TRIM66: variants seen among roughly 807,000 people sequenced by gnomAD.
TRIM66 encodes the protein tripartite motif containing 66.
Under a neutral mutation model 148.2 loss-of-function variants are expected in TRIM66, and 99 were observed. The observed-to-expected ratio is 0.67, with a 90% confidence interval of 0.57 to 0.79. TRIM66 has a LOEUF of 0.79. TRIM66 is among the 30% of genes least tolerant of loss of function. The pLI is 0.00. For missense variants in TRIM66, 1,666 were observed against 1,697.9 expected, an observed-to-expected ratio of 0.98 and a Z score of 0.33; for synonymous variants, 616 against 635.9, an observed-to-expected ratio of 0.97 and a Z score of 0.47.
intron 8 of TRIM66, among the ~76,000 whole-genome samples, chr11:8,648,774 G>A (rs1313080189): frequency 6.6e-6 from 1 of 152,204 alleles, no homozygotes; most frequent in Non-Finnish European, 1.5e-5. Context: ...TCAAGCCCAA[G>A]CATCCCACTA....
chr11:8,671,682 G>C, intron 6 of TRIM66, 104 bp downstream of exon 6: 1 of 640,788 alleles, frequency 1.6e-6, no homozygotes, highest in South Asian at 1.8e-5. Flanking sequence ...TGTCCCTTGG[G>C]CATTTAAATT....
intron 12 of TRIM66, among the ~76,000 whole-genome samples, chr11:8,645,143 C>T (rs556446614): frequency 2.0e-5 from 3 of 152,222 alleles, no homozygotes; most frequent in African/African-American, 7.2e-5. Context: ...ACTCCTACAT[C>T]TCCTTCTCCA....
rs755326927 is a variant in TRIM66 at position 8,643,006 on chromosome 11, C to T, written c.1222+3G>A. ...AGGCCTGGGTGGGTGGGTCCAAGCT[C>T]ACCAAGAGAAGCTAGCTGCTTGGTC... On this transcript the variant is annotated splice_donor_region_variant and intron_variant, in intron 13 of 24. Coordinates refer to ENST00000646038, the MANE Select transcript of TRIM66 (RefSeq NM_001388022.1). The T allele has an allele frequency of 7.7e-6, 12 of 1,548,702 alleles. No homozygotes were observed. The highest frequency in any genetic ancestry group is 2.0e-5 in the Admixed American group (1 of 50,706).
At chr11:8,624,641 A>AG in intron 16 of TRIM66, 72 bp downstream of exon 16, 1 of 1,476,368 alleles carries the variant, frequency 6.8e-7, no homozygotes, top group Non-Finnish European at 9.0e-7. Context: ...GGTCAGAATA[A>AG]GGGTCCCAGT....
Position 8,652,883 on chromosome 11 carries a change from G to T in TRIM66, c.341-980C>A, listed in dbSNP as rs1222150249. Among the ~76,000 whole-genome samples the T allele has an allele frequency of 2.0e-5, 3 of 152,254 alleles. No individual in the cohort carries two copies. The South Asian group carries it at 6.2e-4, about 31-fold the overall frequency. ...GCTCCAGACTTATAGTCAGACAAAT[G>T]TAAGTCCAAAATACCAGGCCTACCA... On this transcript the variant is annotated intron_variant, in intron 6 of 24. Coordinates refer to ENST00000646038, the MANE Select transcript of TRIM66 (RefSeq NM_001388022.1).
Position 8,649,803 on chromosome 11 carries a change from C to G in TRIM66, c.529G>C (p.Glu177Gln), listed in dbSNP as rs373276503. 12 of 1,551,576 alleles carry G rather than the reference C, an allele frequency of 7.7e-6. No homozygotes were observed. Among genetic ancestry groups the G allele is most frequent in the Non-Finnish European group, 1.0e-5 (12 of 1,147,012 alleles). Residue 177 changes from glutamate (E) to glutamine (Q), a missense_variant, in exon 8 of 25, where the codon GAA becomes CAA. Coordinates refer to ENST00000646038, the MANE Select transcript of TRIM66 (RefSeq NM_001388022.1). Reference sequence around the variant, plus strand: ...CCGGGGACAGGGCTGTGTCGGTGTTCCTCTGTGCAAGAGCTGCACAGCCAG... The same window carrying G: ...CCGGGGACAGGGCTGTGTCGGTGTTGCTCTGTGCAAGAGCTGCACAGCCAG... ...NRWLCSSCTEEHRHSPVPGGP... is the reference protein window; with the variant it reads ...NRWLCSSCTEQHRHSPVPGGP...
In TRIM66 at chr11:8,649,750, C is replaced by T; in HGVS notation, c.582G>A (p.Lys194=). The T allele has an allele frequency of 6.5e-7, 1 of 1,547,436 alleles. No individual in the cohort carries two copies. Among genetic ancestry groups the T allele is most frequent in the Middle Eastern group, 1.8e-4 (1 of 5,704 alleles). ...AGGTGGGATTGGTACCTGGAGATCCCTTCTGGGCCCGAGGAAAGAATGGGC... is the reference window on the plus strand; with the variant it reads ...AGGTGGGATTGGTACCTGGAGATCCTTTCTGGGCCCGAGGAAAGAATGGGC... The part of the protein sequence containing the change: ...PGGPFFPRAQ[K]GSPGVNGGPG... Residue 194 remains lysine (K), a synonymous_variant, in exon 8 of 25, where the codon AAG becomes AAA. Coordinates refer to ENST00000646038, the MANE Select transcript of TRIM66 (RefSeq NM_001388022.1).
chr11:8,667,248 C>T (rs2038660039), intron 6 of TRIM66, among the ~76,000 whole-genome samples: 1 of 152,098 alleles, frequency 6.6e-6, no homozygotes, highest in South Asian at 2.1e-4. Context: ...TATAAAACTC[C>T]TAGAAGAAAA....
At chr11:8,635,959 T>C (rs1471852383) in intron 15 of TRIM66, among the ~76,000 whole-genome samples, 1 of 152,192 alleles carries the variant, frequency 6.6e-6, no homozygotes, top group Non-Finnish European at 1.5e-5. Flanking sequence ...GCACTGGCAA[T>C]GAAACCACCT....
At chr11:8,637,121 G>C (rs2035947375) in intron 15 of TRIM66, among the ~76,000 whole-genome samples, 1 of 152,180 alleles carries the variant, frequency 6.6e-6, no homozygotes, top group East Asian at 1.9e-4. Flanking sequence ...CCCTCTCCCA[G>C]AGCTAGGTGC....
chr11:8,643,824 T>C (rs990346275), intron 12 of TRIM66, among the ~76,000 whole-genome samples: 7 of 152,184 alleles, frequency 4.6e-5, no homozygotes, highest in South Asian at 2.1e-4. Context: ...CCTTCTGTCC[T>C]ACTCAATAGC....
At chr11:8,621,963 G>A in intron 18 of TRIM66, 144 bp from the exon 19 acceptor site, 1 of 897,576 alleles carries the variant, frequency 1.1e-6, no homozygotes, top group Non-Finnish European at 1.6e-6. Flanking sequence ...TTTATCCTGG[G>A]TGTGTCTGTG....
intron 12 of TRIM66, 138 bp downstream of exon 12, chr11:8,645,603 G>C (rs2036778113): frequency 1.0e-6 from 1 of 998,516 alleles, no homozygotes; most frequent in Non-Finnish European, 1.4e-6. Flanking sequence ...TTGAAGGATG[G>C]ATGGAGCTGC....
intron 6 of TRIM66, among the ~76,000 whole-genome samples, chr11:8,665,525 G>A (rs186740988): frequency 8.0e-4 from 122 of 152,320 alleles, no homozygotes; most frequent in Non-Finnish European, 1.5e-3. Context: ...TTGAAGTCAA[G>A]GGCTCTGTCT....
At chr11:8,642,901 T>A in intron 13 of TRIM66, 108 bp downstream of exon 13, 11 of 407,364 alleles carry the variant, frequency 2.7e-5, no homozygotes, top group East Asian at 5.5e-5. Context: ...CCACTGGCAG[T>A]CCCAGAGAGT....
Position 8,615,938 on chromosome 11 carries a change from G to T in TRIM66, c.*2006C>A. 1 of 152,438 alleles carries T rather than the reference G, an allele frequency of 6.6e-6. No homozygotes were observed. Among genetic ancestry groups the T allele is most frequent in the African/African-American group, 2.4e-5 (1 of 41,578 alleles). 9.4% of individuals were successfully genotyped at this position (152,438 alleles called of 1,614,324 possible). A position where few individuals can be genotyped will look rare whatever the true frequency, so the allele number is the denominator to read the frequency against. ...AGTTCACAGGATGGTGGGAATGTGGGCTGCACAAAGGAAAGATGACCTAGA... is the reference window on the plus strand; with the variant it reads ...AGTTCACAGGATGGTGGGAATGTGGTCTGCACAAAGGAAAGATGACCTAGA... On this transcript the variant is annotated 3_prime_UTR_variant, in exon 25 of 25. Transcript: ENST00000646038.
chr11:8,670,712 G>A (rs2038885258), intron 6 of TRIM66, among the ~76,000 whole-genome samples: 1 of 152,136 alleles, frequency 6.6e-6, no homozygotes, highest in Non-Finnish European at 1.5e-5. Flanking sequence ...AGTAAGATTT[G>A]TTAATTAAAA....
intron 6 of TRIM66, among the ~76,000 whole-genome samples, chr11:8,653,787 CAA>C (rs529555102): frequency 2.1e-5 from 3 of 142,166 alleles, no homozygotes. Context: ...CTCACCCCAC[CAA>C]AAAAAAAAAG....
At chr11:8,642,506 A>G (rs1366533466) in intron 13 of TRIM66, among the ~76,000 whole-genome samples, 1 of 152,156 alleles carries the variant, frequency 6.6e-6, no homozygotes, top group Non-Finnish European at 1.5e-5. Context: ...TGCAGCAGGG[A>G]AGAAAAATGC....
Sources: gnomAD v4.1 joint callset for allele counts (sites outside exome capture counted in the v4.1 genomes callset) on GRCh38, gnomAD v4.1.1 for gene constraint, MANE v1.5 for transcripts, NCBI Gene and HGNC (gene_info 2026-07-23, HGNC 2026-07-21) for gene names.